The following LITAF variants were observed in gnomAD, a reference collection of about 807,000 sequenced individuals.
LITAF encodes lipopolysaccharide induced TNF factor.
LITAF carries 9 observed loss-of-function variants against 14.5 expected under a neutral mutation model. The ratio of observed to expected loss-of-function variants is 0.62; its 90% confidence interval spans 0.37 to 1.08. The LOEUF (loss-of-function observed/expected upper bound fraction) is 1.08, where lower values mean the gene tolerates loss of function less well. LITAF is among the 50% of genes least tolerant of loss of function. The probability of loss-of-function intolerance (pLI) is 0.01; values close to 1 mark genes in which losing one functional copy is unlikely to be tolerated. For missense variants in LITAF, 206 were observed against 213.4 expected, an observed-to-expected ratio of 0.97 and a Z score of 0.22; for synonymous variants, 98 against 88.2, an observed-to-expected ratio of 1.11 and a Z score of -0.62.
intron 3 of LITAF, among the ~76,000 whole-genome samples, chr16:11,610,899 C>T (rs1479908009): frequency 1.3e-5 from 2 of 152,036 alleles, no homozygotes; most frequent in Admixed American, 6.6e-5. Flanking sequence ...ACATGGAAGA[C>T]GGAACAAGAC....
intron 1 of LITAF, among the ~76,000 whole-genome samples, chr16:11,584,938 T>G (rs2064786026): frequency 6.6e-6 from 1 of 152,228 alleles, no homozygotes; most frequent in South Asian, 2.1e-4. Flanking sequence ...CCGGGTGAGG[T>G]AGTTCACACC....
chr16:11,602,984 C>A (rs1483850795), upstream of LITAF, among the ~76,000 whole-genome samples: 1 of 152,136 alleles, frequency 6.6e-6, no homozygotes, highest in South Asian at 2.1e-4. Flanking sequence ...TATGGTTGCC[C>A]ATGCCTGTAG....
upstream of LITAF, among the ~76,000 whole-genome samples, chr16:11,602,760 CAA>C (rs35880448): frequency 0.071 from 8,143 of 114,186 alleles, 333 homozygotes; most frequent in Admixed American, 0.17. Flanking sequence ...TGGCTTGTTG[CAA>C]AAAAAAAAAA....
intron 1 of LITAF, among the ~76,000 whole-genome samples, chr16:11,568,259 G>A (rs2141773035): frequency 1.3e-5 from 2 of 150,316 alleles, no homozygotes; most frequent in African/African-American, 4.9e-5. Context: ...CTGCACTCCA[G>A]CCTGGGCAAC....
intron 1 of LITAF, among the ~76,000 whole-genome samples, chr16:11,576,534 CAAA>C (rs66551972): frequency 0.012 from 731 of 62,948 alleles, 13 homozygotes; most frequent in African/African-American, 0.033. Flanking sequence ...TTACAATCTG[CAAA>C]AAAAAAAAAA....
chr16:11,561,318 A>G (rs1350184530), intron 1 of LITAF: 1 of 152,176 alleles, frequency 6.6e-6, no homozygotes, highest in Non-Finnish European at 1.5e-5. Flanking sequence ...TCTCCTCCCA[A>G]AGTGAGGAAA....
intron 1 of LITAF, among the ~76,000 whole-genome samples, chr16:11,557,976 A>T (rs139670237): frequency 3.0e-4 from 46 of 152,290 alleles, no homozygotes; most frequent in African/African-American, 1.1e-3. Context: ...CTGGAAGCAG[A>T]CACAGTGCTG....
rs913067811 is a variant in LITAF at position 11,586,639 on chromosome 16, G to T, written c.-6+247C>A. Reference sequence around the variant, plus strand: ...GCCACGCGCGATCGGGCCACTCTGGGACGCAGGAGCTGAACCCAACCGGAG... The same window carrying T: ...GCCACGCGCGATCGGGCCACTCTGGTACGCAGGAGCTGAACCCAACCGGAG... On this transcript the variant is annotated intron_variant, in intron 1 of 3. Transcript: ENST00000622633. The surrounding 1 kb of genome is among the most constrained non-coding windows in gnomAD (Gnocchi z 6.5). Among the ~76,000 whole-genome samples the T allele has an allele frequency of 6.6e-6, 1 of 151,788 alleles. No individual in the cohort carries two copies. The highest frequency in any genetic ancestry group is 2.4e-5 in the African/African-American group (1 of 41,378).
intron 1 of LITAF, among the ~76,000 whole-genome samples, chr16:11,594,977 T>A (rs2064873740): frequency 6.6e-6 from 1 of 152,202 alleles, no homozygotes; most frequent in Admixed American, 6.5e-5. Context: ...TAGGGAATTT[T>A]TCGTCCTTTT....
Position 11,549,600 on chromosome 16 carries a change from C to G in LITAF, c.*37G>C, listed in dbSNP as rs201429019. On this transcript the variant is annotated 3_prime_UTR_variant, in exon 4 of 4. Coordinates refer to ENST00000622633, the MANE Select transcript of LITAF (RefSeq NM_001136472.2). The surrounding 1 kb of genome is among the most constrained non-coding windows in gnomAD (Gnocchi z 4.6). ...GCTGGATGAGAGGTGGAAAGGACTT[C>G]CTGCGGCACCCGGCTCCCTCCACGT... The G allele has an allele frequency of 4.2e-5, 64 of 1,515,064 alleles. No homozygotes were observed. In the Middle Eastern group the frequency reaches 5.1e-4, roughly 12 times the overall value. 93.9% of individuals were successfully genotyped at this position (1,515,064 alleles called of 1,614,324 possible). A position where few individuals can be genotyped will look rare whatever the true frequency, so the allele number is the denominator to read the frequency against.
At chr16:11,597,997 C>T (rs962819969) in intron 1 of LITAF, among the ~76,000 whole-genome samples, 4 of 152,190 alleles carry the variant, frequency 2.6e-5, no homozygotes, top group Non-Finnish European at 4.4e-5. Flanking sequence ...GCCTCTACCT[C>T]CTGAGCACAG....
chr16:11,551,796 C>T lies in LITAF; in HGVS notation c.377+1737G>A. On this transcript the variant is annotated intron_variant, in intron 3 of 3. Coordinates refer to ENST00000622633, the MANE Select transcript of LITAF (RefSeq NM_001136472.2). ...GCGGAGAGCTACGATCGTACCACTGCACTCCTGCCTGGACAACAGAGCAAG... is the reference window on the plus strand; with the variant it reads ...GCGGAGAGCTACGATCGTACCACTGTACTCCTGCCTGGACAACAGAGCAAG... 4.5e-6 allele frequency: 3 copies of T among 659,722 alleles called. No individual in the cohort carries two copies. In the South Asian group the frequency reaches 4.8e-5, roughly 11 times the overall value. 40.9% of individuals were successfully genotyped at this position (659,722 alleles called of 1,614,324 possible).
At chr16:11,573,237 AT>A (rs2064573823) in intron 1 of LITAF, among the ~76,000 whole-genome samples, 1 of 151,886 alleles carries the variant, frequency 6.6e-6, no homozygotes, top group African/African-American at 2.4e-5. Flanking sequence ...GCCATAAAAG[AT>A]TTTTTTTAAA....
rs1184552951 is a variant in LITAF, at chr16:11,632,242, A to T, written c.85+1291T>A. On this transcript the variant is annotated intron_variant, in intron 3 of 3. Coordinates refer to the LITAF transcript ENST00000574848. The surrounding 1 kb of genome is among the most constrained non-coding windows in gnomAD (Gnocchi z 4.8). ...TACGTCGTGGACGTGTCTTTCGGGG[A>T]GGGGTCATTATCAAGTAACTACAGC... Among the ~76,000 whole-genome samples, 2 of 151,720 alleles carry T rather than the reference A, an allele frequency of 1.3e-5. No homozygotes were observed. The highest frequency in any genetic ancestry group is 2.9e-5 in the Non-Finnish European group (2 of 67,932).
intron 3 of LITAF, among the ~76,000 whole-genome samples, chr16:11,630,807 G>A (rs1667551795): frequency 6.6e-6 from 1 of 151,946 alleles, no homozygotes; most frequent in Non-Finnish European, 1.5e-5. Context: ...TGTTGGCCAG[G>A]CTGGTCTTGA....
At chr16:11,607,165 G>A (rs72781039) in intron 3 of LITAF, among the ~76,000 whole-genome samples, 21,068 of 152,222 alleles carry the variant, frequency 0.14, 1,830 homozygotes, top group Non-Finnish European at 0.2. Context: ...TTCCAAAGTT[G>A]GGAAAGTAAA....
intron 1 of LITAF, among the ~76,000 whole-genome samples, chr16:11,584,717 C>T (rs1230514591): frequency 6.6e-6 from 1 of 152,208 alleles, no homozygotes; most frequent in South Asian, 2.1e-4. Flanking sequence ...CAAGCACCAG[C>T]TTTTTCGCCG....
chr16:11,633,170 A>C (rs929933688), intron 3 of LITAF, among the ~76,000 whole-genome samples: 4 of 152,012 alleles, frequency 2.6e-5, no homozygotes, highest in Admixed American at 6.6e-5. Flanking sequence ...CCAGGGGTGC[A>C]CCCATCCACA....
At chr16:11,597,202 G>A (rs2064895061) in intron 1 of LITAF, among the ~76,000 whole-genome samples, 1 of 152,080 alleles carries the variant, frequency 6.6e-6, no homozygotes, top group Non-Finnish European at 1.5e-5. Context: ...GAGCAGGGGA[G>A]GAAAAATCCA....
Sources: allele counts gnomAD v4.1 joint callset (sites outside exome capture counted in the v4.1 genomes callset), GRCh38; gene constraint gnomAD v4.1.1; non-coding constraint Gnocchi (gnomAD v3.1); transcripts MANE v1.5; gene names NCBI Gene and HGNC (gene_info 2026-07-23, HGNC 2026-07-21).